SPOCK3: variants seen among roughly 807,000 people sequenced by gnomAD.
SPOCK3 encodes the protein testican-3.
Under a neutral mutation model 56.6 loss-of-function variants are expected in SPOCK3, and 30 were observed. The ratio of observed to expected loss-of-function variants is 0.53; its 90% CI spans 0.40 to 0.72. The LOEUF is 0.72. Ranked by LOEUF, SPOCK3 falls within the 30% of genes least tolerant of loss-of-function variation. The pLI, the probability that SPOCK3 is intolerant of heterozygous loss-of-function variation, is 0.00. For missense variants in SPOCK3, 527 were observed against 530.0 expected, an observed-to-expected ratio of 0.99 and a Z score of 0.06; for synonymous variants, 196 against 183.3, an observed-to-expected ratio of 1.07 and a Z score of -0.56.
At chr4:166,905,588 A>T (rs1736523479) in intron 5 of SPOCK3, among the ~76,000 whole-genome samples, 2 of 151,968 alleles carry the variant, frequency 1.3e-5, no homozygotes, top group South Asian at 4.1e-4. Context: ...CACTTTTCTT[A>T]TAAATTGGGA....
At chr4:166,900,479 C>T (rs1327177134) in intron 5 of SPOCK3, among the ~76,000 whole-genome samples, 1 of 152,196 alleles carries the variant, frequency 6.6e-6, no homozygotes, top group Non-Finnish European at 1.5e-5. Context: ...ACCCTCTCAG[C>T]TGGCTCTTAG....
At chr4:167,157,390 G>A (rs1764904829) in intron 2 of SPOCK3, among the ~76,000 whole-genome samples, 1 of 151,850 alleles carries the variant, frequency 6.6e-6, no homozygotes, top group South Asian at 2.1e-4. Context: ...TGTTACTCAT[G>A]CAAAGCAATA....
intron 8 of SPOCK3, among the ~76,000 whole-genome samples, chr4:166,746,969 C>G (rs1193806459): frequency 1.3e-5 from 2 of 152,054 alleles, no homozygotes; most frequent in African/African-American, 4.8e-5. Context: ...CAATAACAGA[C>G]TCTGAAATTG....
chr4:166,908,167 A>G (rs1736829706), intron 5 of SPOCK3, among the ~76,000 whole-genome samples: 1 of 151,924 alleles, frequency 6.6e-6, no homozygotes, highest in African/African-American at 2.4e-5. Context: ...AAAATAAATG[A>G]CAGAAAGGTT....
At chr4:167,064,769 T>C (rs1580178517) in intron 2 of SPOCK3, among the ~76,000 whole-genome samples, 1 of 151,712 alleles carries the variant, frequency 6.6e-6, no homozygotes, top group Non-Finnish European at 1.5e-5. Context: ...AGTCCTGTGA[T>C]GAAAGTTGGA....
intron 2 of SPOCK3, among the ~76,000 whole-genome samples, chr4:167,199,971 G>A (rs1461798807): frequency 6.6e-6 from 1 of 151,828 alleles, no homozygotes; most frequent in Admixed American, 6.6e-5. Context: ...AATAGTGAAT[G>A]TTTGACTGAG....
intron 2 of SPOCK3, among the ~76,000 whole-genome samples, chr4:167,220,754 AG>A (rs1379716480): frequency 6.6e-6 from 1 of 152,152 alleles, no homozygotes; most frequent in Non-Finnish European, 1.5e-5. Context: ...ATATCAAAAA[AG>A]GTCAGTAATA....
chr4:166,790,104 C>A (rs1388587765), intron 7 of SPOCK3, among the ~76,000 whole-genome samples: 1 of 152,042 alleles, frequency 6.6e-6, no homozygotes, highest in Non-Finnish European at 1.5e-5. Context: ...TTCATTCATT[C>A]ATTAACTCCT....
intron 2 of SPOCK3, among the ~76,000 whole-genome samples, chr4:167,220,820 T>C (rs1735839371): frequency 6.6e-6 from 1 of 152,132 alleles, no homozygotes; most frequent in South Asian, 2.1e-4. Flanking sequence ...GGATAAACAT[T>C]ACTATTTGAA....
chr4:167,232,309 C>T (rs1737256995), intron 2 of SPOCK3, among the ~76,000 whole-genome samples: 1 of 150,590 alleles, frequency 6.6e-6, no homozygotes, highest in Non-Finnish European at 1.5e-5. Flanking sequence ...AATACTCTTA[C>T]AATTCTCCCA....
intron 3 of SPOCK3, among the ~76,000 whole-genome samples, chr4:167,034,727 G>A (rs750220171): frequency 2.0e-5 from 3 of 152,100 alleles, no homozygotes; most frequent in Non-Finnish European, 4.4e-5. Flanking sequence ...TAGAAAAATC[G>A]TTGGAGGTTA....
chr4:167,096,766 T>C (rs996094616), intron 2 of SPOCK3, among the ~76,000 whole-genome samples: 2 of 151,896 alleles, frequency 1.3e-5, no homozygotes, highest in South Asian at 4.1e-4. Flanking sequence ...ATATGTAAAT[T>C]ACATCAAGTT....
chr4:166,809,819 G>A (rs545691205), intron 6 of SPOCK3, among the ~76,000 whole-genome samples: 1 of 152,118 alleles, frequency 6.6e-6, no homozygotes, highest in African/African-American at 2.4e-5. Context: ...GTGCTTCTCA[G>A]AACATCAACA....
At chr4:167,211,877 G>T (rs186832793) in intron 2 of SPOCK3, among the ~76,000 whole-genome samples, 1 of 152,258 alleles carries the variant, frequency 6.6e-6, no homozygotes, top group Admixed American at 6.5e-5. Context: ...TTGTTTTAGT[G>T]AAGCAATTTT....
intron 5 of SPOCK3, among the ~76,000 whole-genome samples, chr4:166,890,629 A>G (rs867046467): frequency 6.6e-6 from 1 of 151,910 alleles, no homozygotes. Flanking sequence ...TTCTAGAATA[A>G]TATTTTATAA....
At chr4:166,777,216 GTTA>G (rs1450133784) in intron 7 of SPOCK3, among the ~76,000 whole-genome samples, 2 of 151,080 alleles carry the variant, frequency 1.3e-5, no homozygotes, top group Non-Finnish European at 2.9e-5. Flanking sequence ...CTCAATCTAA[GTTA>G]TTTTTTATTT....
intron 3 of SPOCK3, among the ~76,000 whole-genome samples, chr4:167,032,315 C>G (rs1481484273): frequency 6.6e-6 from 1 of 151,836 alleles, no homozygotes; most frequent in Admixed American, 6.6e-5. Flanking sequence ...TCAGCTAGAG[C>G]TCCAGAGGCA....
At chr4:167,171,248 G>T (rs1730472839) in intron 2 of SPOCK3, among the ~76,000 whole-genome samples, 1 of 152,050 alleles carries the variant, frequency 6.6e-6, no homozygotes, top group African/African-American at 2.4e-5. Flanking sequence ...CACATTAAAG[G>T]TGTAGAATGT....
chr4:166,764,183 A>G (rs1022587647), intron 7 of SPOCK3, among the ~76,000 whole-genome samples: 2 of 151,804 alleles, frequency 1.3e-5, no homozygotes, highest in African/African-American at 4.8e-5. Flanking sequence ...AATACAGGGG[A>G]GAAAAGATAT....
Sources: allele counts gnomAD v4.1 joint callset (sites outside exome capture counted in the v4.1 genomes callset), GRCh38; gene constraint gnomAD v4.1.1; transcripts MANE v1.5; gene names NCBI Gene and HGNC (gene_info 2026-07-23, HGNC 2026-07-21).